The following ZC3H7A variants were observed in gnomAD, a reference collection of about 807,000 sequenced individuals.
The protein encoded by ZC3H7A is zinc finger CCCH-type containing 7A, also known as zinc finger CCCH domain-containing protein 7A.
Under a neutral mutation model 125.5 loss-of-function variants are expected in ZC3H7A, and 44 were observed. That is an observed-to-expected ratio of 0.35 (90% confidence interval 0.28 to 0.45). The LOEUF (loss-of-function observed/expected upper bound fraction) is 0.45. Ranked by LOEUF, ZC3H7A falls within the 20% of genes least tolerant of loss-of-function variation. ZC3H7A has a pLI of 1.00. For missense variants in ZC3H7A, 977 were observed against 1,170.7 expected (o/e 0.83, Z 2.41); for synonymous variants, 399 against 391.2 (o/e 1.02, Z -0.23).
intron 3 of ZC3H7A, among the ~76,000 whole-genome samples, chr16:11,779,862 G>T (rs575452453): frequency 6.6e-5 from 8 of 120,474 alleles, no homozygotes; most frequent in African/African-American, 2.9e-4. Flanking sequence ...AAATGGTATC[G>T]TTTTGTGTTT....
At chr16:11,792,408 G>A (rs1288971572) in intron 1 of ZC3H7A, among the ~76,000 whole-genome samples, 3 of 152,130 alleles carry the variant, frequency 2.0e-5, no homozygotes, top group African/African-American at 7.2e-5. Context: ...CTCAGTGCCT[G>A]GTAGGTTAAA....
intron 1 of ZC3H7A, among the ~76,000 whole-genome samples, chr16:11,795,955 C>G (rs2053429938): frequency 6.6e-6 from 1 of 152,158 alleles, no homozygotes. Flanking sequence ...ACCTCAGCTT[C>G]CCGAGTAGCT....
chr16:11,796,679 G>T (rs1055811736), intron 1 of ZC3H7A, among the ~76,000 whole-genome samples: 1 of 152,062 alleles, frequency 6.6e-6, no homozygotes, highest in African/African-American at 2.4e-5. Flanking sequence ...AATCAGAAAG[G>T]GGGGTAAAAA....
At chr16:11,779,912 T>G (rs1042730101) in intron 3 of ZC3H7A, among the ~76,000 whole-genome samples, 5 of 152,084 alleles carry the variant, frequency 3.3e-5, no homozygotes, top group African/African-American at 1.2e-4. Flanking sequence ...TATGTGCATG[T>G]CTTTACCAGT....
intron 22 of ZC3H7A, among the ~76,000 whole-genome samples, chr16:11,752,425 T>C (rs2052568426): frequency 6.6e-6 from 1 of 152,230 alleles, no homozygotes; most frequent in African/African-American, 2.4e-5. Context: ...TATTCAATTA[T>C]CCTAAGACAT....
chr16:11,774,467 G>A lies in ZC3H7A; in HGVS notation c.672C>T (p.Pro224=), dbSNP rs1294675459. ...CACTTCCAACTTCATGAGAAAAACT[G>A]GGTGCCGGTAAAGAGACAACAGGAA... ...EAVPVVSLPA[P]SFSHEVGSEL... Residue 224 remains proline (P), a synonymous_variant, in exon 9 of 23, where the codon CCC becomes CCT. Transcript: ENST00000355758. 1 of 1,587,104 alleles carries A rather than the reference G, an allele frequency of 6.3e-7. No individual in the cohort carries two copies. Among genetic ancestry groups the A allele is most frequent in the Non-Finnish European group, 8.6e-7 (1 of 1,163,712 alleles).
chr16:11,776,608 T>C, intron 5 of ZC3H7A, 76 bp from the exon 6 acceptor site: 2 of 1,507,568 alleles, frequency 1.3e-6, no homozygotes, highest in Non-Finnish European at 8.9e-7. Flanking sequence ...AACAGGGAAG[T>C]TTCCCATCAA....
chr16:11,792,497 T>C (rs184632467), intron 1 of ZC3H7A, among the ~76,000 whole-genome samples: 1 of 152,310 alleles, frequency 6.6e-6, no homozygotes, highest in Non-Finnish European at 1.5e-5. Context: ...CCTTACATGG[T>C]AACTTTAGAA....
At chr16:11,759,434 T>C (rs1567374171) in intron 19 of ZC3H7A, 1 of 152,236 alleles carries the variant, frequency 6.6e-6, no homozygotes, top group Non-Finnish European at 1.5e-5. Context: ...CCCTTAACAC[T>C]GTACATTTCC....
intron 11 of ZC3H7A, 33 bp downstream of exon 11, chr16:11,768,998 C>A (rs370323590): frequency 2.6e-6 from 4 of 1,566,358 alleles, no homozygotes; most frequent in South Asian, 2.4e-5. Context: ...TCAATTCAAG[C>A]GATGTATTTA....
intron 1 of ZC3H7A, among the ~76,000 whole-genome samples, chr16:11,793,667 A>G (rs1357391272): frequency 6.6e-6 from 1 of 152,170 alleles, no homozygotes; most frequent in Non-Finnish European, 1.5e-5. Context: ...CATTATTGTC[A>G]TCCTTAATTG....
intron 1 of ZC3H7A, chr16:11,796,565 A>T (rs1034869975): frequency 1.3e-5 from 2 of 153,500 alleles, no homozygotes; most frequent in Non-Finnish European, 2.9e-5. Flanking sequence ...ATGGGAACTG[A>T]CAGGTCCCGG....
At chr16:11,763,316 C>A in intron 16 of ZC3H7A, 162 bp downstream of exon 16, 1 of 598,718 alleles carries the variant, frequency 1.7e-6, no homozygotes, top group South Asian at 3.0e-5. Context: ...GCCGTACTGG[C>A]CAGACTGGTC....
intron 1 of ZC3H7A, among the ~76,000 whole-genome samples, chr16:11,785,803 T>A (rs576820485): frequency 1.5e-4 from 23 of 152,220 alleles, no homozygotes; most frequent in Admixed American, 3.9e-4. Context: ...GTATTTTTAG[T>A]AGAGATAGGG....
Position 11,770,926 on chromosome 16 carries a change from G to T in ZC3H7A, c.965C>A (p.Ser322Ter). ...GGGTAAGGTTCCTAACAGCGATGCC[G>T]AAAAGGGCATGCTAGGAGAGACACT... ...TASVSPSMPF[S>*]ASLLGTLPIG... The change falls in exon 10 of 23, where the codon TCG becomes TAG. Residue 322 changes from serine (S) to a stop codon, truncating the protein, a stop_gained. Coordinates refer to ENST00000355758, the MANE Select transcript of ZC3H7A (RefSeq NM_014153.4). LOFTEE classifies it high-confidence loss of function. The T allele has an allele frequency of 6.2e-7, 1 of 1,614,044 alleles. No individual in the cohort carries two copies. The highest frequency in any genetic ancestry group is 1.1e-5 in the South Asian group (1 of 91,070).
In ZC3H7A at chr16:11,758,436, T is replaced by C. The variant is rs1224672146; in HGVS notation, c.2423A>G (p.Asn808Ser). The change falls in exon 20 of 23, where the codon AAT becomes AGT. Residue 808 changes from asparagine (N) to serine (S), a missense_variant. By Grantham distance (46) the Asn-to-Ser change is conservative. Around this residue, in one of 3 missense-constraint regions of ZC3H7A, gnomAD observed 436 missense variants for 603.2 expected, o/e 0.72. Coordinates refer to ENST00000355758, the MANE Select transcript of ZC3H7A (RefSeq NM_014153.4). ...CAGCTAAAAGATTAACTTACTCCCA[T>C]TCTCCTTCATGTAAGTCCAAACTTC... ...EREVWTYMKE[N>S]GIQDMEQFYE... 1.2e-6 allele frequency: 2 copies of C among 1,609,302 alleles called. No homozygotes were observed. The highest frequency in any genetic ancestry group is 8.5e-7 in the Non-Finnish European group (1 of 1,175,646).
intron 21 of ZC3H7A, chr16:11,753,678 T>G (rs1415822610): frequency 6.6e-6 from 1 of 152,222 alleles, no homozygotes; most frequent in Non-Finnish European, 1.5e-5. Context: ...AGACAGAGTC[T>G]CACTCTGTTG....
At chr16:11,793,285 C>T (rs1163439974) in intron 1 of ZC3H7A, among the ~76,000 whole-genome samples, 1 of 152,074 alleles carries the variant, frequency 6.6e-6, no homozygotes, top group Non-Finnish European at 1.5e-5. Flanking sequence ...GTAATCCCAA[C>T]ATTTTAGGAG....
intron 2 of ZC3H7A, among the ~76,000 whole-genome samples, 179 bp from the exon 3 acceptor site, chr16:11,781,643 TAC>T (rs1163215693): frequency 2.2e-5 from 2 of 91,022 alleles, no homozygotes; most frequent in East Asian, 1.0e-3. Flanking sequence ...GGAAAAAAAA[TAC>T]ATATACATAT....
Sources: gnomAD v4.1 joint callset for allele counts (sites outside exome capture counted in the v4.1 genomes callset) on GRCh38, gnomAD v4.1.1 for gene constraint, gnomAD v4.1.1 regional missense constraint, MANE v1.5 for transcripts, NCBI Gene and HGNC (gene_info 2026-07-23, HGNC 2026-07-21) for gene names.